The following UNC5D variants were observed in gnomAD, a reference collection of about 807,000 sequenced individuals.
The protein encoded by UNC5D is unc-5 netrin receptor D.
In UNC5D, 39 loss-of-function variants were observed where a neutral mutation model predicts 105.4. The ratio of observed to expected loss-of-function variants is 0.37; its 90% CI spans 0.29 to 0.48. UNC5D has a LOEUF of 0.48. UNC5D is among the 20% of genes least tolerant of loss of function. The pLI, the probability that UNC5D is intolerant of heterozygous loss-of-function variation, is 0.98. For missense variants in UNC5D, 991 were observed against 1,202.4 expected (o/e 0.82, Z 2.60); for synonymous variants, 452 against 450.4 (o/e 1.00, Z -0.04).
Position 35,655,017 on chromosome 8 carries a change from C to T in UNC5D, c.571-28530C>T, listed in dbSNP as rs185758825. ...CTACAGAATGTACTAGGACATTGAA[C>T]AGAAATAAGTGGCCTTGGACAATAC... On this transcript the variant is annotated intron_variant, in intron 4 of 16. Transcript: ENST00000404895. Among the ~76,000 whole-genome samples the T allele has an allele frequency of 2.0e-5, 3 of 152,250 alleles. No homozygotes were observed. The East Asian group carries it at 5.8e-4, about 29-fold the overall frequency.
rs761368595 is a variant in UNC5D, at chr8:35,748,622, C to T, written c.1862C>T (p.Pro621Leu). The T allele has an allele frequency of 1.9e-6, 3 of 1,614,034 alleles. No individual in the cohort carries two copies. The highest frequency in any genetic ancestry group is 2.2e-5 in the East Asian group (1 of 44,866). Residue 621 changes from proline (P) to leucine (L), a missense_variant, in exon 12 of 17, where the codon CCG (proline) becomes CTG (leucine). Around this residue, in one of 3 missense-constraint regions of UNC5D, gnomAD observed 944 missense variants for 1,131.6 expected, o/e 0.83. Transcript: ENST00000404895. ...IVTTPFALTIPHCADVSSEHW... is the reference protein window; with the variant it reads ...IVTTPFALTILHCADVSSEHW... ...ACCACTCCCTTTGCATTGACCATCC[C>T]GCACTGTGCAGATGTCAGTTCTGAG...
chr8:35,250,028 T>A (rs1012066608), intron 1 of UNC5D, among the ~76,000 whole-genome samples: 5 of 152,064 alleles, frequency 3.3e-5, no homozygotes, highest in Non-Finnish European at 4.4e-5. Flanking sequence ...GGCATTTACT[T>A]TTTTTTGTTT....
chr8:35,324,155 C>T (rs2128888718), intron 1 of UNC5D, among the ~76,000 whole-genome samples: 1 of 144,042 alleles, frequency 6.9e-6, no homozygotes, highest in East Asian at 2.1e-4. Context: ...ATCACTGGAG[C>T]CCAGGAGGTT....
chr8:35,610,102 T>A (rs892439873), intron 4 of UNC5D, among the ~76,000 whole-genome samples: 1 of 152,052 alleles, frequency 6.6e-6, no homozygotes, highest in African/African-American at 2.4e-5. Flanking sequence ...GTGGTTTATC[T>A]TCTGTTATCT....
At chr8:35,272,723 A>G (rs1805503334) in intron 1 of UNC5D, among the ~76,000 whole-genome samples, 1 of 152,210 alleles carries the variant, frequency 6.6e-6, no homozygotes, top group South Asian at 2.1e-4. Flanking sequence ...AGCTCAAAAC[A>G]GTTCGCCACT....
intron 8 of UNC5D, among the ~76,000 whole-genome samples, chr8:35,713,094 A>C (rs1477865658): frequency 2.6e-5 from 4 of 152,058 alleles, no homozygotes; most frequent in Admixed American, 6.5e-5. Context: ...TTATTCCAGC[A>C]TAAGTATATA....
intron 4 of UNC5D, among the ~76,000 whole-genome samples, chr8:35,678,106 AT>A (rs1232475270): frequency 6.6e-6 from 1 of 152,092 alleles, no homozygotes; most frequent in Non-Finnish European, 1.5e-5. Flanking sequence ...CCTATGAGTG[AT>A]TGGGGGTAGA....
intron 4 of UNC5D, among the ~76,000 whole-genome samples, chr8:35,657,543 G>T (rs982637035): frequency 6.6e-6 from 1 of 152,088 alleles, no homozygotes; most frequent in Non-Finnish European, 1.5e-5. Context: ...GGAGTGCAGT[G>T]GCTGGATCAT....
chr8:35,495,622 G>A (rs1811530757), intron 1 of UNC5D, among the ~76,000 whole-genome samples: 2 of 152,038 alleles, frequency 1.3e-5, no homozygotes, highest in African/African-American at 2.4e-5. Flanking sequence ...TTATAGGAAG[G>A]TGAAGGTTTA....
chr8:35,288,958 A>T (rs1806829210), intron 1 of UNC5D, among the ~76,000 whole-genome samples: 1 of 152,192 alleles, frequency 6.6e-6, no homozygotes, highest in Non-Finnish European at 1.5e-5. Flanking sequence ...GACCTAAAAA[A>T]CAATCAGGAA....
At chr8:35,437,861 ATT>A in intron 1 of UNC5D, among the ~76,000 whole-genome samples, 2 of 144,018 alleles carry the variant, frequency 1.4e-5, no homozygotes. Context: ...TGAGCGGTTG[ATT>A]TTTTTTTTTT....
intron 1 of UNC5D, among the ~76,000 whole-genome samples, chr8:35,405,232 A>C (rs1451971455): frequency 6.6e-6 from 1 of 152,124 alleles, no homozygotes; most frequent in African/African-American, 2.4e-5. Context: ...GAGCAACGAG[A>C]AACTCAAGGT....
At chr8:35,552,691 G>T (rs1816252951) in intron 2 of UNC5D, among the ~76,000 whole-genome samples, 1 of 152,158 alleles carries the variant, frequency 6.6e-6, no homozygotes, top group Admixed American at 6.6e-5. Context: ...GGAAAGTAGA[G>T]AACAAATTGA....
chr8:35,349,615 T>C (rs1040812536), intron 1 of UNC5D, among the ~76,000 whole-genome samples: 2 of 151,956 alleles, frequency 1.3e-5, no homozygotes, highest in Non-Finnish European at 2.9e-5. Context: ...TTGGAGAAAA[T>C]GTCTGCTTAA....
intron 1 of UNC5D, among the ~76,000 whole-genome samples, chr8:35,331,797 A>G (rs1810651388): frequency 6.6e-6 from 1 of 152,166 alleles, no homozygotes. Flanking sequence ...ACTACTGACT[A>G]TAGGACATCT....
intron 1 of UNC5D, among the ~76,000 whole-genome samples, chr8:35,239,430 T>A (rs1802668127): frequency 6.6e-6 from 1 of 152,314 alleles, no homozygotes; most frequent in African/African-American, 2.4e-5. Flanking sequence ...CTTAAAGCAC[T>A]GCCAGTGTTT....
intron 3 of UNC5D, among the ~76,000 whole-genome samples, chr8:35,582,097 A>G (rs1818497144): frequency 6.6e-6 from 1 of 152,178 alleles, no homozygotes; most frequent in Admixed American, 6.5e-5. Context: ...AGATCATGCT[A>G]TTCCTATGGT....
intron 4 of UNC5D, among the ~76,000 whole-genome samples, chr8:35,622,419 C>G (rs986584094): frequency 6.6e-6 from 1 of 152,086 alleles, no homozygotes; most frequent in Non-Finnish European, 1.5e-5. Flanking sequence ...GCATATTGTT[C>G]AAGAGCATGG....
chr8:35,526,442 T>G (rs1317132844), intron 1 of UNC5D, among the ~76,000 whole-genome samples: 1 of 152,228 alleles, frequency 6.6e-6, no homozygotes, highest in Non-Finnish European at 1.5e-5. Flanking sequence ...GGCAGATTCC[T>G]AGATCAGTGG....
Sources: allele counts gnomAD v4.1 joint callset (sites outside exome capture counted in the v4.1 genomes callset), GRCh38; gene constraint gnomAD v4.1.1; regional missense constraint gnomAD v4.1.1; transcripts MANE v1.5; gene names NCBI Gene and HGNC (gene_info 2026-07-23, HGNC 2026-07-21).